CDH13: variants seen among roughly 807,000 people sequenced by gnomAD.
CDH13 encodes the protein cadherin 13.
In CDH13, 24 loss-of-function variants were observed where a neutral mutation model predicts 63.8. The observed-to-expected ratio is 0.38, with a 90% CI of 0.27 to 0.53. The LOEUF (loss-of-function observed/expected upper bound fraction) is 0.53. Among genes scored for constraint, CDH13 ranks in the 20% least tolerant of loss-of-function variants. The pLI is 0.85. For missense variants in CDH13, 1,049 were observed against 903.1 expected, an observed-to-expected ratio of 1.16 and a Z score of -2.07; for synonymous variants, 503 against 355.3, an observed-to-expected ratio of 1.42 and a Z score of -4.67.
chr16:83,287,855 T>A (rs145354826), intron 5 of CDH13, among the ~76,000 whole-genome samples: 4 of 152,146 alleles, frequency 2.6e-5, no homozygotes, highest in Non-Finnish European at 5.9e-5. Flanking sequence ...GTGATAGCAT[T>A]GTAATGTAAC....
At position 83,297,156 on chromosome 16, in the gene CDH13, T is replaced by A. The variant is rs189935363; in HGVS notation, c.637-47706T>A. Among the ~76,000 whole-genome samples, 58 of 152,278 alleles carry A rather than the reference T, an allele frequency of 3.8e-4. 1 individual carries two copies. The East Asian group carries it at 9.6e-3, about 25-fold the overall frequency. ...ACATAGGAGGAATAAGCTCTGGTGTTCTATTGCATAATAGGGTGACTATAG... is the reference window on the plus strand; with the variant it reads ...ACATAGGAGGAATAAGCTCTGGTGTACTATTGCATAATAGGGTGACTATAG... On this transcript the variant is annotated intron_variant, in intron 5 of 13. Coordinates refer to ENST00000567109, the MANE Select transcript of CDH13 (RefSeq NM_001257.5).
chr16:83,506,199 C>G (rs2074390275), intron 7 of CDH13, among the ~76,000 whole-genome samples: 1 of 152,192 alleles, frequency 6.6e-6, no homozygotes, highest in African/African-American at 2.4e-5. Context: ...TCATTAAGGC[C>G]TGAAGGAAAA....
At chr16:83,563,211 T>G (rs2075738139) in intron 7 of CDH13, among the ~76,000 whole-genome samples, 1 of 152,216 alleles carries the variant, frequency 6.6e-6, no homozygotes, top group African/African-American at 2.4e-5. Context: ...CTTAGGAGTC[T>G]CCAACAGAGC....
At chr16:83,167,644 A>T (rs770375170) in intron 4 of CDH13, among the ~76,000 whole-genome samples, 1 of 151,616 alleles carries the variant, frequency 6.6e-6, no homozygotes, top group East Asian at 1.9e-4. Flanking sequence ...TCTTTTCCCA[A>T]AGCTCTCGTA....
chr16:83,236,152 T>C (rs925150275), intron 5 of CDH13, among the ~76,000 whole-genome samples: 1 of 152,110 alleles, frequency 6.6e-6, no homozygotes, highest in African/African-American at 2.4e-5. Flanking sequence ...GAAAAGGATT[T>C]AGATATTAAT....
chr16:83,589,045 C>T (rs1906456567), intron 7 of CDH13, among the ~76,000 whole-genome samples: 1 of 152,148 alleles, frequency 6.6e-6, no homozygotes, highest in African/African-American at 2.4e-5. Flanking sequence ...GTCAGAAGTC[C>T]AAAATAAGTC....
chr16:83,320,004 A>C lies in CDH13; in HGVS notation c.637-24858A>C, dbSNP rs191523405. 1.4e-3 allele frequency among the ~76,000 whole-genome samples: 209 copies of C among 152,312 alleles called. 1 individual carries two copies. The highest frequency in any genetic ancestry group is 3.5e-3 in the Admixed American group (53 of 15,296). The stretch of plus-strand genomic sequence containing the variant: ...AGGATTATTCTGCAGCACGTGACAC[A>C]GGTGGTCACACCTCAGTTAGACTTG... On this transcript the variant is annotated intron_variant, in intron 5 of 13. Coordinates refer to ENST00000567109, the MANE Select transcript of CDH13 (RefSeq NM_001257.5).
At chr16:83,265,382 G>A (rs1907485813) in intron 5 of CDH13, among the ~76,000 whole-genome samples, 1 of 152,050 alleles carries the variant, frequency 6.6e-6, no homozygotes. Flanking sequence ...TTGCAAATTT[G>A]GCTGGATATA....
At chr16:83,015,194 G>A (rs191810101) in intron 2 of CDH13, among the ~76,000 whole-genome samples, 6 of 151,848 alleles carry the variant, frequency 4.0e-5, no homozygotes, top group Admixed American at 6.6e-5. Context: ...GTAACAGGCT[G>A]CATCTCCTAT....
chr16:83,504,577 A>C (rs1345861774), intron 7 of CDH13, among the ~76,000 whole-genome samples: 1 of 152,092 alleles, frequency 6.6e-6, no homozygotes, highest in African/African-American at 2.4e-5. Context: ...ACGTTTTGGG[A>C]TTCTAGCAAG....
chr16:83,276,332 G>A (rs147765419), intron 5 of CDH13, among the ~76,000 whole-genome samples: 1 of 152,076 alleles, frequency 6.6e-6, no homozygotes. Context: ...AATAAGTTGA[G>A]GGTTTCCTCT....
intron 3 of CDH13, among the ~76,000 whole-genome samples, chr16:83,036,002 C>T (rs1213305848): frequency 1.3e-5 from 2 of 152,158 alleles, no homozygotes; most frequent in Non-Finnish European, 2.9e-5. Context: ...GTTACTGTTA[C>T]TGGTGCTGTT....
At chr16:83,272,798 T>C (rs2088865513) in intron 5 of CDH13, among the ~76,000 whole-genome samples, 4 of 152,174 alleles carry the variant, frequency 2.6e-5, no homozygotes, top group Admixed American at 2.6e-4. Context: ...ACGTGGGAAA[T>C]GTGGTCTGTT....
At chr16:82,977,851 C>T (rs1909735888) in intron 2 of CDH13, among the ~76,000 whole-genome samples, 1 of 152,102 alleles carries the variant, frequency 6.6e-6, no homozygotes. Flanking sequence ...TTTGGAACTT[C>T]CTAGAGACCT....
intron 6 of CDH13, among the ~76,000 whole-genome samples, chr16:83,378,763 T>G (rs1426612558): frequency 6.6e-6 from 1 of 152,156 alleles, no homozygotes; most frequent in Non-Finnish European, 1.5e-5. Context: ...ATTCCCAGAC[T>G]TGTAGGTAAC....
chr16:83,106,672 G>A (rs916789109), intron 3 of CDH13, among the ~76,000 whole-genome samples: 1 of 152,226 alleles, frequency 6.6e-6, no homozygotes, highest in African/African-American at 2.4e-5. Context: ...TTTGACGTGG[G>A]AGGAAAGAAA....
chr16:83,452,604 G>T (rs1023633639), intron 6 of CDH13, among the ~76,000 whole-genome samples: 4 of 152,190 alleles, frequency 2.6e-5, no homozygotes, highest in East Asian at 3.9e-4. Flanking sequence ...ATTCTTGTAA[G>T]TAAGTAATAA....
At chr16:82,696,382 C>T (rs1235774327) in intron 1 of CDH13, among the ~76,000 whole-genome samples, 1 of 151,972 alleles carries the variant, frequency 6.6e-6, no homozygotes, top group Non-Finnish European at 1.5e-5. Context: ...AGAAAGTAAA[C>T]CTTAATTGTA....
At chr16:83,201,756 A>AAACACAAAAAATTAGCCGGGCGT (rs1284715296) in intron 4 of CDH13, among the ~76,000 whole-genome samples, 1 of 151,670 alleles carries the variant, frequency 6.6e-6, no homozygotes, top group Non-Finnish European at 1.5e-5. Context: ...AAAAAAAAAA[A>AAACACAAAAAATTAGCCGGGCGT]AACACAAAAA....
Sources: gnomAD v4.1 joint callset for allele counts (sites outside exome capture counted in the v4.1 genomes callset) on GRCh38, gnomAD v4.1.1 for gene constraint, MANE v1.5 for transcripts, NCBI Gene and HGNC (gene_info 2026-07-23, HGNC 2026-07-21) for gene names.